Variants in PRKCE observed in about 807,000 individuals in gnomAD.
PRKCE encodes the protein protein kinase C epsilon, also known as protein kinase C epsilon type.
PRKCE carries 16 observed loss-of-function variants against 85.4 expected under a neutral mutation model. The observed-to-expected ratio is 0.19, with a 90% CI of 0.13 to 0.28. PRKCE has a LOEUF of 0.28. PRKCE is among the 10% of genes least tolerant of loss of function. The pLI, the probability that PRKCE is intolerant of heterozygous loss-of-function variation, is 1.00. For missense variants in PRKCE, 573 were observed against 975.2 expected (o/e 0.59, Z 5.49); for synonymous variants, 388 against 371.5 (o/e 1.04, Z -0.51).
intron 1 of PRKCE, among the ~76,000 whole-genome samples, chr2:45,820,025 C>T (rs1162735673): frequency 2.0e-5 from 3 of 151,994 alleles, no homozygotes; most frequent in African/African-American, 7.3e-5. Flanking sequence ...GTGGGGATTG[C>T]AGTACTTTTA....
intron 2 of PRKCE, among the ~76,000 whole-genome samples, chr2:45,862,804 G>A (rs969688692): frequency 6.6e-6 from 1 of 152,194 alleles, no homozygotes; most frequent in Non-Finnish European, 1.5e-5. Flanking sequence ...ATACATGCAT[G>A]CAAATGTGTA....
intron 1 of PRKCE, among the ~76,000 whole-genome samples, chr2:45,751,264 C>T (rs368233084): frequency 1.3e-5 from 2 of 152,034 alleles, no homozygotes; most frequent in African/African-American, 2.4e-5. Context: ...GATACATGAC[C>T]GAGATGATAC....
intron 2 of PRKCE, among the ~76,000 whole-genome samples, chr2:45,951,245 T>C (rs1299071754): frequency 6.6e-6 from 1 of 152,192 alleles, no homozygotes; most frequent in Non-Finnish European, 1.5e-5. Context: ...GTGATTCTGG[T>C]AAGTAGCCCA....
intron 5 of PRKCE, among the ~76,000 whole-genome samples, 172 bp downstream of exon 5, chr2:45,980,553 G>T (rs777379261): frequency 1.3e-5 from 2 of 152,204 alleles, no homozygotes; most frequent in South Asian, 4.1e-4. Flanking sequence ...GACACCATCC[G>T]CAGGATGAGC....
At chr2:45,808,973 G>A (rs553861555) in intron 1 of PRKCE, among the ~76,000 whole-genome samples, 8 of 152,134 alleles carry the variant, frequency 5.3e-5, no homozygotes, top group Admixed American at 2.6e-4. Context: ...TACTGTACCC[G>A]GCTCTAATCT....
intron 10 of PRKCE, among the ~76,000 whole-genome samples, chr2:46,050,397 G>A (rs555102765): frequency 6.6e-6 from 1 of 152,232 alleles, no homozygotes; most frequent in African/African-American, 2.4e-5. Flanking sequence ...TGTTCCGCTC[G>A]TTAAAAGGTG....
In PRKCE at chr2:46,063,972, A is replaced by T. The variant is rs1667382120; in HGVS notation, c.1438-22236A>T. Among the ~76,000 whole-genome samples, 7 of 152,244 alleles carry T rather than the reference A, an allele frequency of 4.6e-5. 1 individual carries two copies. In the South Asian group the frequency reaches 1.5e-3, roughly 32 times the overall value. On this transcript the variant is annotated intron_variant, in intron 10 of 14. Coordinates refer to ENST00000306156, the MANE Select transcript of PRKCE (RefSeq NM_005400.3). ...CTCACATCTTTCATTTGCTAACAGT[A>T]TTTTACTGTCTATGAAAATGGTTAA...
chr2:45,719,392 C>G (rs932975045), intron 1 of PRKCE, among the ~76,000 whole-genome samples: 2 of 152,072 alleles, frequency 1.3e-5, no homozygotes. Flanking sequence ...TTTTTATTCC[C>G]CCAATGGGAA....
intron 10 of PRKCE, among the ~76,000 whole-genome samples, chr2:46,059,725 C>T (rs1666930577): frequency 6.6e-6 from 1 of 152,088 alleles, no homozygotes; most frequent in African/African-American, 2.4e-5. Flanking sequence ...ATCACCTGAG[C>T]CCAGGAGCTC....
intron 2 of PRKCE, among the ~76,000 whole-genome samples, chr2:45,927,600 A>T (rs867201990): frequency 2.6e-5 from 4 of 152,204 alleles, no homozygotes; most frequent in Non-Finnish European, 5.9e-5. Flanking sequence ...GCAGCCTGGC[A>T]TATTATTTGA....
intron 10 of PRKCE, among the ~76,000 whole-genome samples, chr2:46,060,506 G>T (rs1667003493): frequency 6.6e-6 from 1 of 152,224 alleles, no homozygotes; most frequent in African/African-American, 2.4e-5. Flanking sequence ...CTGTCATCCA[G>T]AAGGAGAGGG....
intron 5 of PRKCE, among the ~76,000 whole-genome samples, chr2:45,981,752 T>G (rs528546986): frequency 1.3e-5 from 2 of 152,338 alleles, no homozygotes; most frequent in Admixed American, 6.5e-5. Flanking sequence ...GAACATTTAC[T>G]GGGTATGTCC....
At chr2:45,981,818 C>T (rs1489742745) in intron 5 of PRKCE, among the ~76,000 whole-genome samples, 1 of 152,174 alleles carries the variant, frequency 6.6e-6, no homozygotes, top group Non-Finnish European at 1.5e-5. Context: ...ACACTAGTCC[C>T]TCCCTCAAGG....
chr2:45,877,731 C>T (rs976338462), intron 2 of PRKCE, among the ~76,000 whole-genome samples: 3 of 137,884 alleles, frequency 2.2e-5, no homozygotes, highest in Non-Finnish European at 4.8e-5. Context: ...TTATGGTTTT[C>T]AGCTGGTTCT....
At position 45,651,697 on chromosome 2, in the gene PRKCE, C is replaced by T. The variant is rs774739390; in HGVS notation, c.-404C>T. ...GTCGAAATTTCCCGGGATTATGTTTCGGAAAGGTAGGTAAGCGCCGGGCGC... is the reference window on the plus strand; with the variant it reads ...GTCGAAATTTCCCGGGATTATGTTTTGGAAAGGTAGGTAAGCGCCGGGCGC... On this transcript the variant is annotated 5_prime_UTR_variant, in exon 1 of 15. Transcript: ENST00000306156. 70 of 144,042 alleles carry T rather than the reference C, an allele frequency of 4.9e-4. No individual in the cohort carries two copies. The highest frequency in any genetic ancestry group is 9.3e-4 in the Non-Finnish European group (62 of 66,888). 8.9% of individuals were successfully genotyped at this position (144,042 alleles called of 1,614,324 possible).
chr2:45,911,798 A>G (rs1051408231), intron 2 of PRKCE, among the ~76,000 whole-genome samples: 3 of 152,042 alleles, frequency 2.0e-5, no homozygotes, highest in African/African-American at 7.2e-5. Flanking sequence ...TACCTTCTCT[A>G]GGCTTTCATT....
chr2:45,666,986 A>G (rs1675941953), intron 1 of PRKCE, among the ~76,000 whole-genome samples: 1 of 152,032 alleles, frequency 6.6e-6, no homozygotes, highest in Non-Finnish European at 1.5e-5. Context: ...GATTATAGGC[A>G]CACACTACCA....
In PRKCE at chr2:45,960,300, G is replaced by T. The variant is rs149781461; in HGVS notation, c.413-16129G>T. On this transcript the variant is annotated intron_variant, in intron 2 of 14. Transcript: ENST00000306156. ...TTTTCTTAGTGCCGGTTTCCTCATTGTGTGGTGGAGGTAGTGATACTAATC... is the reference window on the plus strand; with the variant it reads ...TTTTCTTAGTGCCGGTTTCCTCATTTTGTGGTGGAGGTAGTGATACTAATC... Among the ~76,000 whole-genome samples, 391 of 152,332 alleles carry T rather than the reference G, an allele frequency of 2.6e-3. 3 individuals are homozygous for T. Among genetic ancestry groups the T allele is most frequent in the African/African-American group, 8.3e-3 (344 of 41,584 alleles).
intron 8 of PRKCE, among the ~76,000 whole-genome samples, chr2:46,006,554 G>A (rs1379798172): frequency 6.6e-6 from 1 of 152,204 alleles, no homozygotes; most frequent in African/African-American, 2.4e-5. Flanking sequence ...ATTCCCAAGG[G>A]TTAATAGGCT....
Sources: allele counts gnomAD v4.1 joint callset (sites outside exome capture counted in the v4.1 genomes callset), GRCh38; gene constraint gnomAD v4.1.1; transcripts MANE v1.5; gene names NCBI Gene and HGNC (gene_info 2026-07-23, HGNC 2026-07-21).